Variants in EVC observed in about 807,000 individuals in gnomAD.
The protein encoded by EVC is EvC ciliary complex subunit 1, also known as evC complex member EVC.
A neutral mutation model predicts 118.9 loss-of-function variants in EVC; 116 were observed. The ratio of observed to expected loss-of-function variants is 0.98; its 90% CI spans 0.84 to 1.14. The LOEUF is 1.14. Ranked by LOEUF, EVC falls within the 50% of genes most tolerant of loss-of-function variation. The probability of loss-of-function intolerance (pLI) is 0.00; values close to 1 mark genes in which losing one functional copy is unlikely to be tolerated. For synonymous variants in EVC, 619 were observed against 534.7 expected (o/e 1.16, Z -2.18); for missense variants, 1,401 against 1,246.4 (o/e 1.12, Z -1.87).
rs1178481502 is a variant in EVC, at chr4:5,798,977, G to A, written c.2304+185G>A. On this transcript the variant is annotated intron_variant, in intron 15 of 20. Coordinates refer to ENST00000264956, the MANE Select transcript of EVC (RefSeq NM_153717.3). This position sits in a 1 kb window ranked among gnomAD's most constrained non-coding sequence, Gnocchi z 4.1. ...ATCTTCTCCCTCGCAGAATGGGGAGGGGCAGTCGCAGCAGATCACCGGTTC... is the reference window on the plus strand; with the variant it reads ...ATCTTCTCCCTCGCAGAATGGGGAGAGGCAGTCGCAGCAGATCACCGGTTC... 1.3e-5 allele frequency among the ~76,000 whole-genome samples: 2 copies of A among 152,088 alleles called. No homozygotes were observed. The highest frequency in any genetic ancestry group is 1.5e-5 in the Non-Finnish European group (1 of 67,992).
rs2152397697 is a variant in EVC, at chr4:5,811,708, T to G, written c.*671T>G. 1 of 155,434 alleles carries G rather than the reference T, an allele frequency of 6.4e-6. No individual in the cohort carries two copies. Among genetic ancestry groups the G allele is most frequent in the Non-Finnish European group, 1.4e-5 (1 of 70,874 alleles). 9.6% of individuals were successfully genotyped at this position (155,434 alleles called of 1,614,324 possible). A position where few individuals can be genotyped will look rare whatever the true frequency, so the allele number is the denominator to read the frequency against. On this transcript the variant is annotated 3_prime_UTR_variant, in exon 21 of 21. Coordinates refer to ENST00000264956, the MANE Select transcript of EVC (RefSeq NM_153717.3). ...TCACACACCACAGCCAGGAGGGGCC[T>G]TTCCCACCTGGAGAGAAACTTCCAG... is the stretch of plus-strand genomic sequence containing the variant.
rs1405055555 is a variant in EVC, at chr4:5,787,821, C to A, written c.1776+4057C>A. 3.9e-5 allele frequency among the ~76,000 whole-genome samples: 6 copies of A among 152,098 alleles called. No individual in the cohort carries two copies. The East Asian group carries it at 1.2e-3, about 29-fold the overall frequency. ...TGGCTCCCCACCTCACTCTCCTCTC[C>A]CTCTGGCTCTGCACCCCACTCCGGG... On this transcript the variant is annotated intron_variant, in intron 12 of 20. Transcript: ENST00000264956.
Position 5,797,014 on chromosome 4 carries a change from C to T in EVC, c.1887-8C>T, listed in dbSNP as rs772745359. On this transcript the variant is annotated splice_region_variant and splice_polypyrimidine_tract_variant and intron_variant, in intron 13 of 20. Coordinates refer to ENST00000264956, the MANE Select transcript of EVC (RefSeq NM_153717.3). ...ATTGACCCCACCCCTCACCTGCTTT[C>T]CTCAAAGGTCCACGCGGTGTGTCCT... 1 of 1,608,942 alleles carries T rather than the reference C, an allele frequency of 6.2e-7. No individual in the cohort carries two copies.
Position 5,733,441 on chromosome 4 carries a change from T to C in EVC, c.702+6T>C. 6.2e-7 allele frequency: 1 copy of C among 1,612,786 alleles called. No homozygotes were observed. ...TGAGGCAGGAAAAGCATATGGTAGGTGGAGATGTTCGCATTCCCTCCTTTT... is the reference window on the plus strand; with the variant it reads ...TGAGGCAGGAAAAGCATATGGTAGGCGGAGATGTTCGCATTCCCTCCTTTT... On this transcript the variant is annotated splice_donor_region_variant and intron_variant, in intron 5 of 20. Transcript: ENST00000264956.
chr4:5,810,313 T>C, intron 19 of EVC, 26 bp from the exon 20 acceptor site: 1 of 1,577,722 alleles, frequency 6.3e-7, no homozygotes. Flanking sequence ...CACAGAGCCA[T>C]GCCTGGGTTC....
At chr4:5,796,222 A>G (rs972247502) in intron 13 of EVC, among the ~76,000 whole-genome samples, 55 of 151,644 alleles carry the variant, frequency 3.6e-4, no homozygotes, top group Non-Finnish European at 5.6e-4. Context: ...GAACATATTA[A>G]TCATAATTAG....
intron 2 of EVC, among the ~76,000 whole-genome samples, chr4:5,725,849 T>A (rs1725723170): frequency 6.6e-6 from 1 of 152,136 alleles, no homozygotes; most frequent in South Asian, 2.1e-4. Flanking sequence ...TAGTTTTGGG[T>A]TTTACATTTA....
chr4:5,817,908 G>T (rs1026842814), downstream of EVC, among the ~76,000 whole-genome samples: 1 of 152,310 alleles, frequency 6.6e-6, no homozygotes, highest in Non-Finnish European at 1.5e-5. Context: ...TGAAGGAAAA[G>T]TATGTGCAAA....
At position 5,719,520 on chromosome 4, in the gene EVC, A is replaced by G; in HGVS notation, c.300+147A>G. 1 of 1,184,006 alleles carries G rather than the reference A, an allele frequency of 8.4e-7. No individual in the cohort carries two copies. The highest frequency in any genetic ancestry group is 1.3e-5 in the South Asian group (1 of 79,020). 73.3% of individuals were successfully genotyped at this position (1,184,006 alleles called of 1,614,324 possible). On this transcript the variant is annotated intron_variant, in intron 2 of 20. Coordinates refer to ENST00000264956, the MANE Select transcript of EVC (RefSeq NM_153717.3). The surrounding 1 kb of genome is among the most constrained non-coding windows in gnomAD (Gnocchi z 4.7). ...CTGAGGCATAATTTACATACAGTCAAATGCGCAGACTTTAGGTTTTACAGT... is the reference window on the plus strand; with the variant it reads ...CTGAGGCATAATTTACATACAGTCAGATGCGCAGACTTTAGGTTTTACAGT...
intron 11 of EVC, among the ~76,000 whole-genome samples, chr4:5,768,486 A>G (rs2152187770): frequency 6.6e-6 from 1 of 152,268 alleles, no homozygotes; most frequent in South Asian, 2.1e-4. Flanking sequence ...ATAGGCCTTC[A>G]TATGAATATC....
chr4:5,717,575 T>C (rs1724186066), intron 1 of EVC, among the ~76,000 whole-genome samples: 1 of 152,290 alleles, frequency 6.6e-6, no homozygotes, highest in African/African-American at 2.4e-5. Context: ...CTATGGTTGG[T>C]AAACAACCCC....
At position 5,752,823 on chromosome 4, in the gene EVC, T is replaced by C; in HGVS notation, c.1099-13T>C. ...GACACCCCAGCTATGGTCCTGTGTGTTTCTTTTTGCAGGACGCCCTGGAGA... is the reference window on the plus strand; with the variant it reads ...GACACCCCAGCTATGGTCCTGTGTGCTTCTTTTTGCAGGACGCCCTGGAGA... On this transcript the variant is annotated splice_polypyrimidine_tract_variant and intron_variant, in intron 8 of 20. Transcript: ENST00000264956. 1 of 1,614,112 alleles carries C rather than the reference T, an allele frequency of 6.2e-7. No homozygotes were observed. The highest frequency in any genetic ancestry group is 8.5e-7 in the Non-Finnish European group (1 of 1,179,926).
chr4:5,715,740 C>CCTTTTTTTTTTTTTTTTTTT lies in EVC; in HGVS notation c.175-3508_175-3507insCTTTTTTTTTTTTTTTTTTT, dbSNP rs1553860016. On this transcript the variant is annotated intron_variant, in intron 1 of 20. Transcript: ENST00000264956. ...AATTTCGAAGGCATTTTTCCATTGT[C>CCTTTTTTTTTTTTTTTTTTT]TTTTTTTTTTTTTTTTTTTTTGAGA... Among the ~76,000 whole-genome samples the CCTTTTTTTTTTTTTTTTTTT allele has an allele frequency of 2.8e-5, 2 of 70,992 alleles. 1 individual carries two copies. The allele number at this position is 70,992 out of a possible 152,430, so 46.6% of individuals were successfully genotyped here.
downstream of EVC, among the ~76,000 whole-genome samples, chr4:5,817,258 C>T (rs1577692306): frequency 6.6e-6 from 1 of 152,170 alleles, no homozygotes; most frequent in Non-Finnish European, 1.5e-5. Context: ...CTTCCTGCAC[C>T]GTGTCGGGGC....
chr4:5,774,299 C>A (rs973295324), intron 11 of EVC, among the ~76,000 whole-genome samples: 2 of 151,746 alleles, frequency 1.3e-5, no homozygotes, highest in African/African-American at 4.8e-5. Flanking sequence ...CACCTCTTTT[C>A]CCCCAAATGC....
At chr4:5,745,802 C>T (rs370529959) in intron 7 of EVC, among the ~76,000 whole-genome samples, 5 of 152,220 alleles carry the variant, frequency 3.3e-5, no homozygotes, top group African/African-American at 9.7e-5. Context: ...TTGGCACTTG[C>T]TCTTCACCAG....
chr4:5,765,479 A>C (rs1732721163), intron 11 of EVC, among the ~76,000 whole-genome samples: 1 of 119,164 alleles, frequency 8.4e-6, no homozygotes, highest in African/African-American at 3.3e-5. Context: ...TGTCTCATTG[A>C]TCTGTCTAAT....
rs757206813 is a variant in EVC at position 5,808,273 on chromosome 4, G to T, written c.2634G>T (p.Gln878His). Residue 878 changes from glutamine to histidine, a missense_variant, in exon 18 of 21, where the codon CAG (glutamine) becomes CAT (histidine). Physicochemically the swap from Gln to His is conservative, Grantham distance 24. Coordinates refer to ENST00000264956, the MANE Select transcript of EVC (RefSeq NM_153717.3). ...VHQQMRLHAQQQQAGVMDLLE... is the reference protein window; with the variant it reads ...VHQQMRLHAQHQQAGVMDLLE... ...AGCAGATGCGTCTGCACGCCCAGCA[G>T]CAGCAGGCAGGAGTCATGGACCTTC... is the stretch of plus-strand genomic sequence containing the variant. The T allele has an allele frequency of 6.2e-7, 1 of 1,613,996 alleles. No homozygotes were observed. The highest frequency in any genetic ancestry group is 2.2e-5 in the East Asian group (1 of 44,904).
At chr4:5,785,237 G>A (rs1307076406) in intron 12 of EVC, among the ~76,000 whole-genome samples, 1 of 152,218 alleles carries the variant, frequency 6.6e-6, no homozygotes, top group Non-Finnish European at 1.5e-5. Flanking sequence ...CTGCCCTAGA[G>A]GCAGCCTGCG....
Sources: gnomAD v4.1 joint callset for allele counts (sites outside exome capture counted in the v4.1 genomes callset) on GRCh38, gnomAD v4.1.1 for gene constraint, Gnocchi (gnomAD v3.1) non-coding constraint, MANE v1.5 for transcripts, NCBI Gene and HGNC (gene_info 2026-07-23, HGNC 2026-07-21) for gene names.